DMC1: variants seen among roughly 807,000 people sequenced by gnomAD.
DMC1 encodes the protein meiotic recombination protein DMC1 homolog.
A neutral mutation model predicts 50.1 loss-of-function variants in DMC1; 27 were observed. The observed-to-expected ratio is 0.54, with a 90% confidence interval of 0.40 to 0.74. The LOEUF (loss-of-function observed/expected upper bound fraction) is 0.74, where lower values mean the gene tolerates loss of function less well. Ranked by LOEUF, DMC1 falls within the 30% of genes least tolerant of loss-of-function variation. The pLI is 0.00. For missense variants in DMC1, 295 were observed against 420.2 expected (o/e 0.70, Z 2.60); for synonymous variants, 148 against 136.1 (o/e 1.09, Z -0.61).
At chr22:38,548,457 T>G (rs892142869) in intron 8 of DMC1, among the ~76,000 whole-genome samples, 1 of 152,078 alleles carries the variant, frequency 6.6e-6, no homozygotes, top group Non-Finnish European at 1.5e-5. Context: ...TGCCTGTAGT[T>G]CCAGCTACTC....
chr22:38,542,323 G>A (rs1266585290), intron 8 of DMC1, among the ~76,000 whole-genome samples: 1 of 151,896 alleles, frequency 6.6e-6, no homozygotes, highest in African/African-American at 2.4e-5. Flanking sequence ...CCACCAAAAA[G>A]CTATTAGAAC....
the DMC1 span, among the ~76,000 whole-genome samples, chr22:38,513,094 A>T: frequency 6.6e-6 from 1 of 152,128 alleles, no homozygotes; most frequent in Non-Finnish European, 1.5e-5. Flanking sequence ...AAAAAAAAAA[A>T]AAAGGACATT....
chr22:38,530,761 A>T (rs1266274732), intron 12 of DMC1, among the ~76,000 whole-genome samples: 3 of 152,124 alleles, frequency 2.0e-5, no homozygotes, highest in African/African-American at 7.2e-5. Flanking sequence ...TATGCTAATG[A>T]TGTTGGATCA....
downstream of DMC1, among the ~76,000 whole-genome samples, chr22:38,515,997 A>G (rs181062291): frequency 2.7e-3 from 416 of 152,228 alleles, 1 homozygote; most frequent in Middle Eastern, 0.02. Context: ...CCTCTCCCCT[A>G]TATAGGCCAG....
chr22:38,562,325 T>C lies in DMC1; in HGVS notation c.288A>G (p.Lys96=). Residue 96 remains lysine (K), a synonymous_variant, in exon 5 of 14, where the codon AAA becomes AAG. Coordinates refer to ENST00000216024, the MANE Select transcript of DMC1 (RefSeq NM_007068.4). ...LTAFEYSEKR[K]MVFHITTGSQ... ...TCCCGGTGGTGATATGGAAAACCAT[T>C]TTCCTCTTTTCACTATACTCAAATG... 9 of 1,612,916 alleles carry C rather than the reference T, an allele frequency of 5.6e-6. No individual in the cohort carries two copies. The highest frequency in any genetic ancestry group is 7.6e-6 in the Non-Finnish European group (9 of 1,179,180).
rs1403008879 is a variant in DMC1 at position 38,537,647 on chromosome 22, T to G, written c.781A>C (p.Asn261His). The G allele has an allele frequency of 6.2e-7, 1 of 1,613,650 alleles. No individual in the cohort carries two copies. The highest frequency in any genetic ancestry group is 8.5e-7 in the Non-Finnish European group (1 of 1,179,566). The change falls in exon 12 of 14, where the codon AAC becomes CAC. Residue 261 changes from asparagine (N) to histidine (H), a missense_variant. Asn to His is a moderately conservative substitution (Grantham distance 68). Coordinates refer to ENST00000216024, the MANE Select transcript of DMC1 (RefSeq NM_007068.4). The part of the protein sequence containing the change: ...SRLQKISEEY[N>H]VAVFVTNQMT... ...TGATTGGTCACAAAAACAGCCACGT[T>G]ATATTCTGCATCAAGAGATAAAATT...
chr22:38,542,712 T>G (rs574829546), intron 8 of DMC1, among the ~76,000 whole-genome samples: 1 of 152,174 alleles, frequency 6.6e-6, no homozygotes, highest in African/African-American at 2.4e-5. Context: ...ACCCTAAAAT[T>G]TATATGGAAC....
intron 12 of DMC1, among the ~76,000 whole-genome samples, chr22:38,526,892 C>T (rs2090097870): frequency 6.6e-6 from 1 of 152,160 alleles, no homozygotes; most frequent in African/African-American, 2.4e-5. Flanking sequence ...CCGTCTGGTT[C>T]TTCATTCAGT....
chr22:38,514,885 G>A, downstream of DMC1, among the ~76,000 whole-genome samples: 1 of 150,680 alleles, frequency 6.6e-6, no homozygotes, highest in East Asian at 2.0e-4. Flanking sequence ...CTAACCGTAA[G>A]TATACTCAGT....
chr22:38,512,190 G>T, the DMC1 span, among the ~76,000 whole-genome samples: 1 of 152,078 alleles, frequency 6.6e-6, no homozygotes, highest in African/African-American at 2.4e-5. Context: ...GGCCAGGCTG[G>T]TCTCGAACTC....
chr22:38,562,467 T>A, intron 4 of DMC1, 98 bp from the exon 5 acceptor site: 1 of 847,586 alleles, frequency 1.2e-6, no homozygotes, highest in Non-Finnish European at 2.0e-6. Flanking sequence ...ATTAAGATCA[T>A]CATTTGGTAT....
intron 8 of DMC1, among the ~76,000 whole-genome samples, chr22:38,548,885 C>A (rs1331580394): frequency 6.6e-6 from 1 of 151,934 alleles, no homozygotes; most frequent in African/African-American, 2.4e-5. Flanking sequence ...GAAACATCAC[C>A]TTTTCTCTTT....
At chr22:38,544,875 G>T (rs1156230960) in intron 8 of DMC1, among the ~76,000 whole-genome samples, 2 of 150,870 alleles carry the variant, frequency 1.3e-5, no homozygotes, top group Non-Finnish European at 3.0e-5. Flanking sequence ...CTTGTGATCT[G>T]CCCACCTTGG....
downstream of DMC1, among the ~76,000 whole-genome samples, chr22:38,514,190 G>A (rs1156623828): frequency 6.6e-6 from 1 of 151,840 alleles, no homozygotes; most frequent in Admixed American, 6.6e-5. Context: ...TTGAATAGTG[G>A]CTGGGTAAAA....
intron 7 of DMC1, among the ~76,000 whole-genome samples, chr22:38,550,199 T>C (rs2090388179): frequency 1.3e-5 from 2 of 152,342 alleles, no homozygotes; most frequent in Admixed American, 6.5e-5. Context: ...GCATAGTTGT[T>C]ATTCAACAAA....
At chr22:38,531,622 C>G (rs1246698529) in intron 12 of DMC1, among the ~76,000 whole-genome samples, 1 of 151,866 alleles carries the variant, frequency 6.6e-6, no homozygotes, top group African/African-American at 2.4e-5. Flanking sequence ...AACTTTTGTG[C>G]TTTATATAAA....
At chr22:38,541,001 CTTGAAGCATGACAAGA>C (rs1569160563) in intron 8 of DMC1, among the ~76,000 whole-genome samples, 1 of 151,956 alleles carries the variant, frequency 6.6e-6, no homozygotes, top group Non-Finnish European at 1.5e-5. Context: ...TTTCCTGGGC[CTTGAAGCATGACAAGA>C]TAATGAAGAA....
At chr22:38,513,186 G>A in the DMC1 span, among the ~76,000 whole-genome samples, 700 of 152,220 alleles carry the variant, frequency 4.6e-3, 2 homozygotes, top group Non-Finnish European at 7.8e-3. Flanking sequence ...TCTAGGAGCC[G>A]GAAACCCCAG....
chr22:38,524,209 T>G (rs2090061896), intron 12 of DMC1, among the ~76,000 whole-genome samples: 1 of 151,806 alleles, frequency 6.6e-6, no homozygotes, highest in South Asian at 2.1e-4. Context: ...AGGTCAGGAG[T>G]TTGAGACCAG....
Sources: gnomAD v4.1 joint callset for allele counts (sites outside exome capture counted in the v4.1 genomes callset) on GRCh38, gnomAD v4.1.1 for gene constraint, MANE v1.5 for transcripts, NCBI Gene and HGNC (gene_info 2026-07-23, HGNC 2026-07-21) for gene names.